Variants in PDIA5 observed in about 807,000 individuals in gnomAD.
PDIA5 encodes protein disulfide-isomerase A5.
Under a neutral mutation model 77.6 loss-of-function variants are expected in PDIA5, and 58 were observed. The ratio of observed to expected loss-of-function variants is 0.75; its 90% CI spans 0.61 to 0.93. The LOEUF (loss-of-function observed/expected upper bound fraction) is 0.93, where lower values mean the gene tolerates loss of function less well. Among genes scored for constraint, PDIA5 ranks in the 40% least tolerant of loss-of-function variants. The probability of loss-of-function intolerance (pLI) is 0.00; values close to 1 mark genes in which losing one functional copy is unlikely to be tolerated. For missense variants in PDIA5, 630 were observed against 647.7 expected (o/e 0.97, Z 0.30); for synonymous variants, 250 against 252.1 (o/e 0.99, Z 0.08).
At chr3:123,109,788 T>G (rs1267299426) in intron 6 of PDIA5, among the ~76,000 whole-genome samples, 1 of 152,224 alleles carries the variant, frequency 6.6e-6, no homozygotes, top group African/African-American at 2.4e-5. Context: ...TATATGATGT[T>G]TTTACTCACA....
At chr3:123,109,109 G>A (rs997426054) in intron 6 of PDIA5, among the ~76,000 whole-genome samples, 3 of 152,282 alleles carry the variant, frequency 2.0e-5, no homozygotes, top group South Asian at 2.1e-4. Flanking sequence ...AATATCAAGC[G>A]GAAATATTTC....
rs116775500 is a variant in PDIA5 at position 123,149,960 on chromosome 3, G to T, written c.1143-274G>T. Among the ~76,000 whole-genome samples, 760 of 152,226 alleles carry T rather than the reference G, an allele frequency of 5.0e-3. 12 individuals are homozygous for T. Among genetic ancestry groups the T allele is most frequent in the African/African-American group, 0.016 (685 of 41,542 alleles). ...GTCAAGGAGTTCGTGGCCCACAACTGGGGGGGCTGCCCTGACCTGAAATGG... is the reference window on the plus strand; with the variant it reads ...GTCAAGGAGTTCGTGGCCCACAACTTGGGGGGCTGCCCTGACCTGAAATGG... On this transcript the variant is annotated intron_variant, in intron 13 of 16. Coordinates refer to ENST00000316218, the MANE Select transcript of PDIA5 (RefSeq NM_006810.4).
intron 12 of PDIA5, 105 bp from the exon 13 acceptor site, chr3:123,145,994 T>C: frequency 9.3e-7 from 1 of 1,071,214 alleles, no homozygotes; most frequent in Non-Finnish European, 1.4e-6. Flanking sequence ...CCAGTTAAAT[T>C]CCAGCAGGTC....
At chr3:123,105,359 G>A (rs1934699911) in intron 5 of PDIA5, among the ~76,000 whole-genome samples, 1 of 152,214 alleles carries the variant, frequency 6.6e-6, no homozygotes, top group African/African-American at 2.4e-5. Context: ...TTTCTCACAT[G>A]GCCTGGTGGA....
chr3:123,073,600 T>C (rs1202232017), intron 1 of PDIA5, among the ~76,000 whole-genome samples: 1 of 152,184 alleles, frequency 6.6e-6, no homozygotes, highest in Non-Finnish European at 1.5e-5. Context: ...AGCTTTGTGA[T>C]CTTACATTGG....
At chr3:123,113,613 A>T (rs1356275237) in intron 7 of PDIA5, among the ~76,000 whole-genome samples, 1 of 152,160 alleles carries the variant, frequency 6.6e-6, no homozygotes, top group Non-Finnish European at 1.5e-5. Flanking sequence ...ATGATTTTTT[A>T]CAAAATGAAA....
intron 8 of PDIA5, among the ~76,000 whole-genome samples, chr3:123,119,862 T>C (rs1480203665): frequency 6.6e-6 from 1 of 151,930 alleles, no homozygotes; most frequent in African/African-American, 2.4e-5. Context: ...GTCAAAAATC[T>C]TCCTCCTCTA....
chr3:123,132,149 C>T (rs1466562037), intron 11 of PDIA5, among the ~76,000 whole-genome samples: 11 of 152,054 alleles, frequency 7.2e-5, no homozygotes, highest in Admixed American at 4.6e-4. Flanking sequence ...CAGATGAGAC[C>T]GTCACACAGA....
chr3:123,138,810 C>T (rs919237663), intron 11 of PDIA5, among the ~76,000 whole-genome samples: 2 of 152,074 alleles, frequency 1.3e-5, no homozygotes, highest in Non-Finnish European at 2.9e-5. Context: ...CTGGCATGCC[C>T]CAAGCCAAAT....
intron 5 of PDIA5, among the ~76,000 whole-genome samples, chr3:123,103,991 T>C (rs929822584): frequency 1.3e-5 from 2 of 152,186 alleles, no homozygotes; most frequent in Non-Finnish European, 2.9e-5. Flanking sequence ...GAATCTGTCT[T>C]GGGCTTATGG....
At chr3:123,122,070 C>T (rs763178206) in intron 8 of PDIA5, among the ~76,000 whole-genome samples, 4 of 152,184 alleles carry the variant, frequency 2.6e-5, no homozygotes, top group Non-Finnish European at 5.9e-5. Flanking sequence ...AATCTAGACC[C>T]TAACAGGTGT....
intron 1 of PDIA5, among the ~76,000 whole-genome samples, chr3:123,088,645 T>A (rs558471684): frequency 4.7e-4 from 72 of 152,298 alleles, no homozygotes; most frequent in African/African-American, 1.7e-3. Flanking sequence ...GGTTCCAGCA[T>A]CCCGCCTCCA....
chr3:123,122,129 A>G (rs1170886474), intron 8 of PDIA5, among the ~76,000 whole-genome samples: 5 of 152,240 alleles, frequency 3.3e-5, no homozygotes, highest in African/African-American at 1.2e-4. Flanking sequence ...GAAATAGGTA[A>G]CATATGGGCA....
At chr3:123,120,930 C>G (rs368971261) in intron 8 of PDIA5, among the ~76,000 whole-genome samples, 2 of 152,192 alleles carry the variant, frequency 1.3e-5, no homozygotes, top group African/African-American at 4.8e-5. Context: ...TGACTTGTCT[C>G]CTGACCACAG....
chr3:123,106,603 C>T, intron 5 of PDIA5, 146 bp from the exon 6 acceptor site: 1 of 651,666 alleles, frequency 1.5e-6, no homozygotes, highest in South Asian at 1.7e-5. Flanking sequence ...ATAACACACC[C>T]TCCAAGCTTA....
chr3:123,135,910 G>A (rs541362876), intron 11 of PDIA5, among the ~76,000 whole-genome samples: 3 of 145,528 alleles, frequency 2.1e-5, no homozygotes, highest in South Asian at 4.4e-4. Flanking sequence ...ATCATGCCAC[G>A]AAGGGCCTTC....
intron 1 of PDIA5, among the ~76,000 whole-genome samples, chr3:123,083,260 G>A (rs1311553836): frequency 6.6e-6 from 1 of 152,140 alleles, no homozygotes; most frequent in Non-Finnish European, 1.5e-5. Flanking sequence ...TTGGAGGTTA[G>A]AGGCATTGGT....
intron 11 of PDIA5, among the ~76,000 whole-genome samples, chr3:123,134,364 G>A (rs886137944): frequency 2.0e-5 from 3 of 152,098 alleles, no homozygotes; most frequent in Non-Finnish European, 4.4e-5. Flanking sequence ...GCCACCCCAG[G>A]GGGGTGCTCT....
chr3:123,137,626 G>A (rs966813527), intron 11 of PDIA5, among the ~76,000 whole-genome samples: 4 of 152,118 alleles, frequency 2.6e-5, no homozygotes, highest in Non-Finnish European at 4.4e-5. Flanking sequence ...TAAAAAATTC[G>A]TGAATTTGAT....
Sources: allele counts gnomAD v4.1 joint callset (sites outside exome capture counted in the v4.1 genomes callset), GRCh38; gene constraint gnomAD v4.1.1; transcripts MANE v1.5; gene names NCBI Gene and HGNC (gene_info 2026-07-23, HGNC 2026-07-21).